Variants in DNAH7 observed in about 807,000 individuals in gnomAD.
The protein encoded by DNAH7 is dynein axonemal heavy chain 7.
DNAH7 carries 397 observed loss-of-function variants against 444.6 expected under a neutral mutation model. The ratio of observed to expected loss-of-function variants is 0.89; its 90% CI spans 0.82 to 0.97. The LOEUF (loss-of-function observed/expected upper bound fraction) is 0.97, where lower values mean the gene tolerates loss of function less well. Ranked by LOEUF, DNAH7 falls within the 50% of genes least tolerant of loss-of-function variation. The probability of loss-of-function intolerance (pLI) is 0.00; values close to 1 mark genes in which losing one functional copy is unlikely to be tolerated. For missense variants in DNAH7, 4,902 were observed against 4,800.8 expected (o/e 1.02, Z -0.62); for synonymous variants, 1,636 against 1,624.4 (o/e 1.01, Z -0.17).
chr2:195,960,812 T>C lies in DNAH7; in HGVS notation c.2339A>G (p.Tyr780Cys), dbSNP rs200840696. 360 of 1,614,162 alleles carry C rather than the reference T, an allele frequency of 2.2e-4. 3 individuals are homozygous for C. The African/African-American group carries it at 4.3e-3, about 19-fold the overall frequency. Reference protein sequence around the residue: ...YETAVEFSSNYRAWTEGPYHK... With the variant: ...YETAVEFSSNCRAWTEGPYHK... Reference sequence around the variant, plus strand: ...ATATGGCCCTTCTGTCCATGCTCTATAGTTGCTGCTAAATTCGACAGCAGT... The same window carrying C: ...ATATGGCCCTTCTGTCCATGCTCTACAGTTGCTGCTAAATTCGACAGCAGT... Residue 780 changes from tyrosine to cysteine, a missense_variant, in exon 18 of 65, where the codon TAT (tyrosine) becomes TGT (cysteine). By Grantham distance (194) the Tyr-to-Cys change is radical. Coordinates refer to ENST00000312428, the MANE Select transcript of DNAH7 (RefSeq NM_018897.3).
At chr2:196,046,986 T>C (rs1185002013) in intron 5 of DNAH7, among the ~76,000 whole-genome samples, 1 of 152,092 alleles carries the variant, frequency 6.6e-6, no homozygotes, top group Non-Finnish European at 1.5e-5. Flanking sequence ...TTCACCCCAA[T>C]TCCTTTTCTA....
chr2:196,037,093 C>CA (rs1696441825), intron 5 of DNAH7, among the ~76,000 whole-genome samples: 1 of 152,194 alleles, frequency 6.6e-6, no homozygotes, highest in African/African-American at 2.4e-5. Flanking sequence ...ACAGCCTCCA[C>CA]AAACACCCAC....
chr2:195,932,252 T>G (rs1353067454), intron 21 of DNAH7, among the ~76,000 whole-genome samples: 1 of 152,206 alleles, frequency 6.6e-6, no homozygotes, highest in Non-Finnish European at 1.5e-5. Flanking sequence ...ATGCTTGTGA[T>G]TTTTGCACAT....
At chr2:196,029,634 T>C (rs1015839838) in intron 5 of DNAH7, among the ~76,000 whole-genome samples, 58 of 152,244 alleles carry the variant, frequency 3.8e-4, no homozygotes, top group African/African-American at 1.4e-3. Context: ...ACATAATTAT[T>C]CCCATTTCAC....
chr2:196,065,004 C>T (rs1336363003), intron 1 of DNAH7, among the ~76,000 whole-genome samples: 8 of 152,070 alleles, frequency 5.3e-5, no homozygotes, highest in African/African-American at 9.7e-5. Flanking sequence ...TGTTTTGTCC[C>T]TTTAATTCCA....
Position 195,934,669 on chromosome 2 carries a change from A to G in DNAH7, c.3393T>C (p.Ile1131=), listed in dbSNP as rs1240941193. The change falls in exon 21 of 65, where the codon ATT becomes ATC. Residue 1131 remains isoleucine, a synonymous_variant. Transcript: ENST00000312428. The part of the protein sequence containing the change: ...EGEVVELIEI[I]STAKARGQVE... ...CTTGACCTCTGGCTTTGGCTGTTGA[A>G]ATAATCTCTATGAGTTCTACAACCT... is the stretch of plus-strand genomic sequence containing the variant. The G allele has an allele frequency of 6.2e-7, 1 of 1,614,006 alleles. No homozygotes were observed. The highest frequency in any genetic ancestry group is 8.5e-7 in the Non-Finnish European group (1 of 1,179,992).
intron 63 of DNAH7, 139 bp downstream of exon 63, chr2:195,754,198 A>T: frequency 1.1e-6 from 1 of 906,822 alleles, no homozygotes; most frequent in Non-Finnish European, 1.6e-6. Flanking sequence ...TCTGTATCTC[A>T]ATAATTTTTT....
chr2:196,019,953 CCCCCTT>C (rs1465741695), intron 8 of DNAH7, among the ~76,000 whole-genome samples: 1 of 149,964 alleles, frequency 6.7e-6, no homozygotes, highest in Non-Finnish European at 1.5e-5. Context: ...CCCTCCTCCT[CCCCCTT>C]CTTCTTTCCC....
At chr2:196,023,244 T>A (rs779692325) in intron 8 of DNAH7, among the ~76,000 whole-genome samples, 1 of 152,040 alleles carries the variant, frequency 6.6e-6, no homozygotes, top group Admixed American at 6.6e-5. Context: ...GTGAGATGCC[T>A]GCTCCCATTT....
intron 63 of DNAH7, among the ~76,000 whole-genome samples, chr2:195,746,543 AT>A (rs1237250695): frequency 1.3e-5 from 2 of 152,134 alleles, no homozygotes; most frequent in African/African-American, 4.8e-5. Context: ...CAGAATATAC[AT>A]TTTTTTCAGC....
intron 19 of DNAH7, among the ~76,000 whole-genome samples, chr2:195,956,870 T>C (rs894113562): frequency 6.6e-6 from 1 of 152,114 alleles, no homozygotes; most frequent in African/African-American, 2.4e-5. Context: ...GAAACATGTG[T>C]TGAGAGGTTG....
intron 19 of DNAH7, among the ~76,000 whole-genome samples, chr2:195,950,851 C>CAAAAAAAAAAA (rs67782183): frequency 2.5e-4 from 9 of 36,716 alleles, no homozygotes; most frequent in African/African-American, 6.7e-4. Flanking sequence ...GACTCTGTCT[C>CAAAAAAAAAAA]AAAAAAAAAA....
At chr2:196,068,353 T>C (rs4531949) in intron 1 of DNAH7, 8,554 of 368,856 alleles carry the variant, frequency 0.023, 325 homozygotes, top group African/African-American at 0.099. Flanking sequence ...GATTCCCACC[T>C]TAGAACCCAA....
chr2:195,817,812 G>A lies in DNAH7; in HGVS notation c.9309C>T (p.Phe3103=). 1 of 1,594,990 alleles carries A rather than the reference G, an allele frequency of 6.3e-7. No individual in the cohort carries two copies. Residue 3103 remains phenylalanine (F), a synonymous_variant, in exon 50 of 65, where the codon TTC becomes TTT. Transcript: ENST00000312428. The stretch of plus-strand genomic sequence containing the variant: ...CTTGCATTCCCTCAGGGGTTATCAT[G>A]AAGTTTAATAATGTTACCTATAAAT... The part of the protein sequence containing the change: ...ETSVKVTLLN[F]MITPEGMQDQ...
chr2:195,748,084 CCCCATTGTCTCAG>C (rs1427724949), intron 63 of DNAH7, among the ~76,000 whole-genome samples: 4 of 152,144 alleles, frequency 2.6e-5, no homozygotes, highest in Admixed American at 2.6e-4. Flanking sequence ...ATCTAGAAAA[CCCCATTGTCTCAG>C]CCCAAAATCT....
chr2:195,856,780 G>T (rs1000894615), intron 44 of DNAH7, among the ~76,000 whole-genome samples: 1 of 152,170 alleles, frequency 6.6e-6, no homozygotes, highest in South Asian at 2.1e-4. Context: ...CCTTTGGGGA[G>T]CTCACGAGGT....
At chr2:196,016,614 T>C (rs1695036267) in intron 9 of DNAH7, among the ~76,000 whole-genome samples, 1 of 152,186 alleles carries the variant, frequency 6.6e-6, no homozygotes, top group Non-Finnish European at 1.5e-5. Flanking sequence ...ATGTAGAAGG[T>C]CAGAATATGT....
At chr2:195,989,112 T>C (rs191882686) in intron 12 of DNAH7, among the ~76,000 whole-genome samples, 1 of 152,216 alleles carries the variant, frequency 6.6e-6, no homozygotes, top group Non-Finnish European at 1.5e-5. Context: ...GTCAATTCCA[T>C]ATCTTGGTTA....
At chr2:195,775,795 G>C in intron 60 of DNAH7, 51 bp downstream of exon 60, 1 of 1,581,842 alleles carries the variant, frequency 6.3e-7, no homozygotes, top group Non-Finnish European at 8.6e-7. Flanking sequence ...CACGTGCCTG[G>C]GGAGCATCCT....
Sources: gnomAD v4.1 joint callset for allele counts (sites outside exome capture counted in the v4.1 genomes callset) on GRCh38, gnomAD v4.1.1 for gene constraint, MANE v1.5 for transcripts, NCBI Gene and HGNC (gene_info 2026-07-23, HGNC 2026-07-21) for gene names.